Variants in ZMAT4 observed in about 807,000 individuals in gnomAD.
ZMAT4 encodes the protein zinc finger matrin-type protein 4.
Under a neutral mutation model 28.7 loss-of-function variants are expected in ZMAT4, and 17 were observed. The ratio of observed to expected loss-of-function variants is 0.59; its 90% CI spans 0.41 to 0.89. The LOEUF is 0.89. Among genes scored for constraint, ZMAT4 ranks in the 40% least tolerant of loss-of-function variants. The pLI is 0.00. For synonymous variants in ZMAT4, 117 were observed against 109.2 expected, an observed-to-expected ratio of 1.07 and a Z score of -0.44; for missense variants, 240 against 283.8, an observed-to-expected ratio of 0.85 and a Z score of 1.11.
At chr8:40,721,736 T>C (rs36153880) in intron 3 of ZMAT4, among the ~76,000 whole-genome samples, 14,960 of 151,900 alleles carry the variant, frequency 0.098, 932 homozygotes, top group Middle Eastern at 0.2. Context: ...CCAGTGATGA[T>C]GAGCATTTTT....
intron 5 of ZMAT4, among the ~76,000 whole-genome samples, chr8:40,592,863 C>T (rs1282238127): frequency 3.9e-5 from 6 of 152,160 alleles, no homozygotes; most frequent in South Asian, 2.1e-4. Flanking sequence ...TGGTCTTGGA[C>T]GTGGTCACTA....
intron 6 of ZMAT4, among the ~76,000 whole-genome samples, chr8:40,574,751 T>C (rs1804206267): frequency 6.6e-6 from 1 of 152,156 alleles, no homozygotes; most frequent in Non-Finnish European, 1.5e-5. Flanking sequence ...GACTTTCCCA[T>C]GTGGAGAAAA....
intron 2 of ZMAT4, among the ~76,000 whole-genome samples, chr8:40,796,706 T>C (rs549676070): frequency 2.0e-5 from 3 of 152,352 alleles, no homozygotes; most frequent in Admixed American, 1.3e-4. Context: ...GTGCCTGGAA[T>C]TGCAAGTCTG....
chr8:40,839,761 A>G (rs1175381963), intron 1 of ZMAT4, among the ~76,000 whole-genome samples: 2 of 152,246 alleles, frequency 1.3e-5, no homozygotes, highest in Non-Finnish European at 1.5e-5. Context: ...TAAAAAATGT[A>G]TAACACATGG....
chr8:40,893,131 C>T (rs1250584759), intron 1 of ZMAT4, among the ~76,000 whole-genome samples: 1 of 152,242 alleles, frequency 6.6e-6, no homozygotes, highest in Non-Finnish European at 1.5e-5. Flanking sequence ...ATAACATCCC[C>T]TCCTAAACCA....
rs1412227627 is a variant in ZMAT4, at chr8:40,530,766, A to G, written c.*1457T>C. ...CATCCAACCCCCTTTCCTCTTGTAGAGTAGGGTGTGGCTCGTGGGGCTTCG... is the reference window on the plus strand; with the variant it reads ...CATCCAACCCCCTTTCCTCTTGTAGGGTAGGGTGTGGCTCGTGGGGCTTCG... On this transcript the variant is annotated 3_prime_UTR_variant, in exon 7 of 7. Coordinates refer to ENST00000297737, the MANE Select transcript of ZMAT4 (RefSeq NM_024645.3). 1 of 152,592 alleles carries G rather than the reference A, an allele frequency of 6.6e-6. No homozygotes were observed. Among genetic ancestry groups the G allele is most frequent in the Non-Finnish European group, 1.5e-5 (1 of 68,062 alleles). The allele number at this position is 152,592 out of a possible 1,614,324, so 9.5% of individuals were successfully genotyped here.
chr8:40,869,620 C>T (rs1049818000), intron 1 of ZMAT4, among the ~76,000 whole-genome samples: 12 of 152,210 alleles, frequency 7.9e-5, no homozygotes, highest in African/African-American at 2.2e-4. Flanking sequence ...GATTTTACCA[C>T]GTCCACCTGA....
intron 5 of ZMAT4, among the ~76,000 whole-genome samples, chr8:40,596,046 C>T (rs964883393): frequency 3.3e-5 from 5 of 152,000 alleles, no homozygotes; most frequent in East Asian, 1.9e-4. Context: ...GAGCCAAGAT[C>T]GTGCCATTGC....
At chr8:40,789,104 C>A (rs973769106) in intron 2 of ZMAT4, among the ~76,000 whole-genome samples, 2 of 146,986 alleles carry the variant, frequency 1.4e-5, no homozygotes, top group African/African-American at 2.5e-5. Context: ...AGAGGGAAGG[C>A]GAAGAAGGGA....
chr8:40,844,619 C>T (rs1463916474), intron 1 of ZMAT4, among the ~76,000 whole-genome samples: 1 of 146,770 alleles, frequency 6.8e-6, no homozygotes, highest in Non-Finnish European at 1.5e-5. Flanking sequence ...TTTCTCTCTC[C>T]TCTCTCTCTC....
chr8:40,849,523 T>A (rs541421989), intron 1 of ZMAT4, among the ~76,000 whole-genome samples: 68 of 152,318 alleles, frequency 4.5e-4, no homozygotes, highest in Middle Eastern at 3.4e-3. Flanking sequence ...TTCCCAGGGA[T>A]GCCACCTGTC....
intron 6 of ZMAT4, among the ~76,000 whole-genome samples, chr8:40,580,066 G>A (rs1804405195): frequency 6.9e-6 from 1 of 144,760 alleles, no homozygotes; most frequent in Non-Finnish European, 1.5e-5. Flanking sequence ...AGGCTGGAGT[G>A]CAGTGGCCTG....
intron 2 of ZMAT4, chr8:40,808,492 T>C (rs1815180659): frequency 2.2e-6 from 1 of 453,116 alleles, no homozygotes; most frequent in East Asian, 7.0e-5. Flanking sequence ...TGCAGTAGTA[T>C]AAAGCTGAAA....
chr8:40,763,279 A>T (rs1447886203), intron 3 of ZMAT4, among the ~76,000 whole-genome samples: 2 of 152,178 alleles, frequency 1.3e-5, no homozygotes, highest in East Asian at 3.9e-4. Flanking sequence ...TTGTGGAGCT[A>T]GTTTACAGTA....
chr8:40,684,997 G>T (rs1421113438), intron 4 of ZMAT4, among the ~76,000 whole-genome samples: 2 of 152,070 alleles, frequency 1.3e-5, no homozygotes, highest in African/African-American at 4.8e-5. Flanking sequence ...ATAACCTATG[G>T]TTTGCAAGCT....
At chr8:40,536,943 G>A (rs1802866796) in intron 6 of ZMAT4, among the ~76,000 whole-genome samples, 1 of 151,896 alleles carries the variant, frequency 6.6e-6, no homozygotes, top group Non-Finnish European at 1.5e-5. Context: ...ATGAGAGAAG[G>A]GGAAGAGGCC....
chr8:40,564,290 A>G (rs1228544217), intron 6 of ZMAT4, among the ~76,000 whole-genome samples: 1 of 152,136 alleles, frequency 6.6e-6, no homozygotes, highest in African/African-American at 2.4e-5. Flanking sequence ...TTCTCTTTTT[A>G]TAAGTCGAGA....
intron 5 of ZMAT4, among the ~76,000 whole-genome samples, chr8:40,671,255 G>T (rs1036018449): frequency 2.6e-5 from 4 of 152,088 alleles, no homozygotes; most frequent in African/African-American, 9.7e-5. Flanking sequence ...AACTATTTTA[G>T]ATTTTGGCAG....
intron 1 of ZMAT4, among the ~76,000 whole-genome samples, chr8:40,881,530 GAA>G (rs1818248838): frequency 8.6e-5 from 1 of 11,594 alleles, no homozygotes; most frequent in Admixed American, 1.0e-3. Flanking sequence ...GAGAGAGACA[GAA>G]AGAAAGAAAG....
Sources: allele counts gnomAD v4.1 joint callset (sites outside exome capture counted in the v4.1 genomes callset), GRCh38; gene constraint gnomAD v4.1.1; transcripts MANE v1.5; gene names NCBI Gene and HGNC (gene_info 2026-07-23, HGNC 2026-07-21).